The following GRAMD1A variants were observed in gnomAD, a reference collection of about 807,000 sequenced individuals.
GRAMD1A encodes the protein GRAM domain containing 1A, also known as protein Aster-A.
GRAMD1A carries 50 observed loss-of-function variants against 92.0 expected under a neutral mutation model. That is an observed-to-expected ratio of 0.54 (90% CI 0.43 to 0.69). The LOEUF is 0.69. Among genes scored for constraint, GRAMD1A ranks in the 30% least tolerant of loss-of-function variants. The pLI, the probability that GRAMD1A is intolerant of heterozygous loss-of-function variation, is 0.00. For synonymous variants in GRAMD1A, 405 were observed against 403.6 expected, an observed-to-expected ratio of 1.00 and a Z score of -0.04; for missense variants, 819 against 978.9, an observed-to-expected ratio of 0.84 and a Z score of 2.18.
chr19:35,015,884 A>G lies in GRAMD1A; in HGVS notation c.1130A>G (p.His377Arg). ...CGCCTCCTCATCAACTCTGTCTTCC[A>G]TGTGGGCGCTGAGCGGCTCCAGCAG... ...SGRLLINSVFHVGAERLQQML... is the reference protein window; with the variant it reads ...SGRLLINSVFRVGAERLQQML... Residue 377 changes from histidine to arginine, a missense_variant, in exon 11 of 20, where the codon CAT becomes CGT. His to Arg is a conservative substitution (Grantham distance 29). This residue lies in a region of GRAMD1A where 577 missense variants were observed against 674.6 expected (regional missense o/e 0.86). Transcript: ENST00000317991. 2.5e-6 allele frequency: 4 copies of G among 1,613,944 alleles called. No homozygotes were observed. Among genetic ancestry groups the G allele is most frequent in the Non-Finnish European group, 3.4e-6 (4 of 1,179,924 alleles).
At chr19:34,996,399 C>CTCTGTGGGG, upstream of GRAMD1A, 1 of 845,242 alleles carries the variant, frequency 1.2e-6, no homozygotes. Context: ...AACCTTAGCC[C>CTCTGTGGGG]CACAGAGGGC....
At position 35,000,407 on chromosome 19, in the gene GRAMD1A, A is replaced by AGCCCC. The variant is rs1174588058; in HGVS notation, c.-69_-65dup. On this transcript the variant is annotated 5_prime_UTR_variant, in exon 1 of 20. Transcript: ENST00000317991. The surrounding 1 kb of genome is among the most constrained non-coding windows in gnomAD (Gnocchi z 4.9). The stretch of plus-strand genomic sequence containing the variant: ...CCTGCGGGGACGCCCAGCGCAGCCC[A>AGCCCC]GCCCCGCGCAGCCCAGCCCTGCCCT... 8.8e-7 allele frequency: 1 copy of AGCCCC among 1,137,154 alleles called. No individual in the cohort carries two copies. Among genetic ancestry groups the AGCCCC allele is most frequent in the East Asian group, 4.1e-5 (1 of 24,374 alleles). 70.4% of individuals were successfully genotyped at this position (1,137,154 alleles called of 1,614,324 possible).
chr19:35,001,904 G>A (rs2014403340), intron 1 of GRAMD1A, among the ~76,000 whole-genome samples: 1 of 152,106 alleles, frequency 6.6e-6, no homozygotes, highest in Non-Finnish European at 1.5e-5. Context: ...CATCGCGCCT[G>A]GCTTGAAACT....
chr19:35,006,651 G>A (rs150768092), intron 1 of GRAMD1A, among the ~76,000 whole-genome samples: 1 of 152,242 alleles, frequency 6.6e-6, no homozygotes, highest in Non-Finnish European at 1.5e-5. Flanking sequence ...CATGTCCTGC[G>A]GGCTCTACTG....
At chr19:35,017,895 G>A (rs1476320548) in intron 11 of GRAMD1A, among the ~76,000 whole-genome samples, 1 of 152,178 alleles carries the variant, frequency 6.6e-6, no homozygotes, top group Non-Finnish European at 1.5e-5. Flanking sequence ...CTAAGGACAG[G>A]AGTTCATCTA....
intron 1 of GRAMD1A, chr19:35,006,030 T>C (rs904974906): frequency 4.4e-6 from 2 of 455,240 alleles, no homozygotes; most frequent in Admixed American, 2.4e-5. Flanking sequence ...TGCCTTGAAA[T>C]AAACCAAGCC....
chr19:35,023,619 G>A, intron 19 of GRAMD1A, 72 bp downstream of exon 19: 24 of 1,403,250 alleles, frequency 1.7e-5, no homozygotes, highest in Non-Finnish European at 2.3e-5. Flanking sequence ...CCCACCGTGC[G>A]GCAGGCACTT....
At chr19:35,011,649 G>T in intron 7 of GRAMD1A, 95 bp downstream of exon 7, 1 of 864,662 alleles carries the variant, frequency 1.2e-6, no homozygotes, top group South Asian at 1.4e-5. Context: ...GGCAGCCCTG[G>T]CTCTTCTCCA....
chr19:34,996,802 T>TC (rs570597867), upstream of GRAMD1A, among the ~76,000 whole-genome samples: 18,037 of 123,350 alleles, frequency 0.15, 1,400 homozygotes, highest in East Asian at 0.22. Flanking sequence ...AGACTCTGTC[T>TC]CAAAAAAAAA....
At chr19:34,998,049 C>T (rs139635964), upstream of GRAMD1A, among the ~76,000 whole-genome samples, 229 of 135,804 alleles carry the variant, frequency 1.7e-3, no homozygotes, top group African/African-American at 5.7e-3. Flanking sequence ...CCAGCCTGAG[C>T]GACAGAGCAA....
upstream of GRAMD1A, among the ~76,000 whole-genome samples, chr19:34,995,585 T>TTTGTTTTG (rs1555709943): frequency 7.0e-6 from 1 of 143,248 alleles, no homozygotes; most frequent in Non-Finnish European, 1.5e-5. Context: ...TTTTTTTTTT[T>TTTGTTTTG]TTTTTTTTTT....
rs747496118 is a variant in GRAMD1A at position 35,019,411 on chromosome 19, C to T, written c.1353C>T (p.Pro451=). The change falls in exon 13 of 20, where the codon CCC becomes CCT. Residue 451 remains proline (P), a synonymous_variant. Transcript: ENST00000317991. ...VETQTLFRRG[P]QAGGCVVDSE... is the part of the protein sequence containing the mutation. ...TGCAGACGCTGTTCCGGCGCGGCCC[C>T]CAGGCCGGCGGGTGTGTGGTGGACT... 1.9e-6 allele frequency: 3 copies of T among 1,613,882 alleles called. No individual in the cohort carries two copies. Among genetic ancestry groups the T allele is most frequent in the Non-Finnish European group, 2.5e-6 (3 of 1,179,926 alleles).
chr19:35,015,879 C>T lies in GRAMD1A; in HGVS notation c.1125C>T (p.Val375=). The change falls in exon 11 of 20, where the codon GTC becomes GTT. Residue 375 remains valine (V), a synonymous_variant. Coordinates refer to ENST00000317991, the MANE Select transcript of GRAMD1A (RefSeq NM_020895.5). ...CCGGCCGCCTCCTCATCAACTCTGT[C>T]TTCCATGTGGGCGCTGAGCGGCTCC... ...DLSGRLLINS[V]FHVGAERLQQ... is the part of the protein sequence containing the mutation. 6.2e-7 allele frequency: 1 copy of T among 1,614,164 alleles called. No individual in the cohort carries two copies. The highest frequency in any genetic ancestry group is 8.5e-7 in the Non-Finnish European group (1 of 1,179,994).
At chr19:35,018,521 A>C (rs67664939) in intron 11 of GRAMD1A, among the ~76,000 whole-genome samples, 55,923 of 151,960 alleles carry the variant, frequency 0.37, 10,501 homozygotes, top group Middle Eastern at 0.48. Context: ...GTGGGGACAA[A>C]TATCCAAACT....
intron 16 of GRAMD1A, 26 bp from the exon 17 acceptor site, chr19:35,022,874 G>C (rs1236335651): frequency 6.2e-7 from 1 of 1,603,228 alleles, no homozygotes; most frequent in Non-Finnish European, 8.5e-7. Context: ...TCATCTCTCT[G>C]TCTCCCCTCA....
At chr19:35,010,481 C>T (rs762864265) in intron 6 of GRAMD1A, 102 bp downstream of exon 6, 20 of 774,760 alleles carry the variant, frequency 2.6e-5, no homozygotes, top group Middle Eastern at 2.5e-4. Context: ...GAGTTCTCTC[C>T]GAGCTGTCCC....
chr19:35,021,917 C>T lies in GRAMD1A; in HGVS notation c.1754-34C>T, dbSNP rs1302663277. On this transcript the variant is annotated intron_variant, in intron 15 of 19. Transcript: ENST00000317991. This position sits in a 1 kb window ranked among gnomAD's most constrained non-coding sequence, Gnocchi z 5.3. ...TAGGCGGAGGATCGGGGGTCCTGGA[C>T]TGGGCCATCTGACTCCAAGCTGCTC... The T allele has an allele frequency of 1.9e-6, 3 of 1,612,102 alleles. No homozygotes were observed. Among genetic ancestry groups the T allele is most frequent in the Admixed American group, 1.7e-5 (1 of 59,864 alleles).
chr19:35,011,911 C>T (rs898673110), intron 7 of GRAMD1A, among the ~76,000 whole-genome samples: 4 of 152,150 alleles, frequency 2.6e-5, no homozygotes, highest in Non-Finnish European at 2.9e-5. Context: ...CCCCATCCTC[C>T]GGCTGAGCGG....
intron 17 of GRAMD1A, 38 bp downstream of exon 17, chr19:35,022,949 G>A: frequency 7.6e-7 from 1 of 1,321,936 alleles, no homozygotes; most frequent in African/African-American, 1.6e-5. Context: ...TCCCCTCCCT[G>A]CACCCCACCC....
Sources: gnomAD v4.1 joint callset for allele counts (sites outside exome capture counted in the v4.1 genomes callset) on GRCh38, gnomAD v4.1.1 for gene constraint, gnomAD v4.1.1 regional missense constraint, Gnocchi (gnomAD v3.1) non-coding constraint, MANE v1.5 for transcripts, NCBI Gene and HGNC (gene_info 2026-07-23, HGNC 2026-07-21) for gene names.